Variants in FRS2 observed in about 807,000 individuals in gnomAD.
FRS2 encodes the protein FGFR signalling adaptor.
A neutral mutation model predicts 43.9 loss-of-function variants in FRS2; 8 were observed. The ratio of observed to expected loss-of-function variants is 0.18; its 90% CI spans 0.11 to 0.33. FRS2 has a LOEUF of 0.33. Ranked by LOEUF, FRS2 falls within the 10% of genes least tolerant of loss-of-function variation. The pLI is 1.00. For missense variants in FRS2, 534 were observed against 627.6 expected, an observed-to-expected ratio of 0.85 and a Z score of 1.59; for synonymous variants, 219 against 220.3, an observed-to-expected ratio of 0.99 and a Z score of 0.05.
chr12:69,542,102 A>C (rs1292034606), intron 3 of FRS2, among the ~76,000 whole-genome samples: 1 of 152,210 alleles, frequency 6.6e-6, no homozygotes, highest in East Asian at 1.9e-4. Context: ...TATTGCCTCT[A>C]CAACCAGATA....
intron 3 of FRS2, among the ~76,000 whole-genome samples, chr12:69,533,792 ATTAT>A (rs1317079905): frequency 6.6e-6 from 1 of 152,122 alleles, no homozygotes; most frequent in Non-Finnish European, 1.5e-5. Context: ...TCCCCGCCAA[ATTAT>A]TTGTTTGTAG....
At chr12:69,507,373 A>G (rs927249811) in intron 1 of FRS2, among the ~76,000 whole-genome samples, 1 of 152,182 alleles carries the variant, frequency 6.6e-6, no homozygotes, top group African/African-American at 2.4e-5. Context: ...TGCAATGTAA[A>G]TAATAAGACA....
At chr12:69,571,967 T>C in intron 7 of FRS2, 151 bp from the exon 8 acceptor site, 2 of 539,574 alleles carry the variant, frequency 3.7e-6, no homozygotes, top group Non-Finnish European at 6.5e-6. Context: ...TTAGGTAAAA[T>C]ATGGAGTTGG....
chr12:69,560,518 A>C (rs536397083), intron 3 of FRS2, among the ~76,000 whole-genome samples: 2 of 152,238 alleles, frequency 1.3e-5, no homozygotes, highest in Non-Finnish European at 2.9e-5. Flanking sequence ...CTTTGGTGTC[A>C]GATCAAAATT....
intron 1 of FRS2, among the ~76,000 whole-genome samples, chr12:69,514,448 C>T (rs751731872): frequency 3.4e-4 from 51 of 152,156 alleles, no homozygotes; most frequent in African/African-American, 1.1e-3. Flanking sequence ...CTCACTAATT[C>T]GCTACTCTGG....
intron 1 of FRS2, among the ~76,000 whole-genome samples, chr12:69,520,924 A>G (rs1482303727): frequency 6.6e-6 from 1 of 152,104 alleles, no homozygotes; most frequent in Non-Finnish European, 1.5e-5. Flanking sequence ...GTTGTTCCGT[A>G]TAAATTAAAA....
At chr12:69,487,013 A>G (rs1872016698) in intron 1 of FRS2, among the ~76,000 whole-genome samples, 1 of 152,246 alleles carries the variant, frequency 6.6e-6, no homozygotes, top group Admixed American at 6.5e-5. Flanking sequence ...CAAGTTACCT[A>G]GAAGAACTTC....
At chr12:69,527,342 G>GTTT (rs1294936661) in intron 1 of FRS2, among the ~76,000 whole-genome samples, 2 of 33,152 alleles carry the variant, frequency 6.0e-5, no homozygotes, top group East Asian at 2.6e-3. Context: ...TTTTTTTAAT[G>GTTT]ATTTTTTTTT....
intron 1 of FRS2, among the ~76,000 whole-genome samples, chr12:69,501,547 C>A (rs574125848): frequency 6.6e-6 from 1 of 152,174 alleles, no homozygotes; most frequent in East Asian, 1.9e-4. Context: ...TAACATATTT[C>A]TTTTGCATTA....
chr12:69,529,461 TAAAAATACA>T (rs1876576162), intron 1 of FRS2, among the ~76,000 whole-genome samples: 1 of 151,804 alleles, frequency 6.6e-6, no homozygotes, highest in Non-Finnish European at 1.5e-5. Flanking sequence ...TCGTCTCTAC[TAAAAATACA>T]AAAATTAGCC....
intron 1 of FRS2, among the ~76,000 whole-genome samples, chr12:69,489,539 G>T (rs909286049): frequency 2.0e-5 from 3 of 151,788 alleles, no homozygotes; most frequent in East Asian, 1.9e-4. Flanking sequence ...GTGTGGTGGC[G>T]CATGCCTGTA....
At position 69,578,771 on chromosome 12, in the gene FRS2, A is replaced by G. The variant is rs1881357769; in HGVS notation, c.*3816A>G. 6.5e-6 allele frequency: 1 copy of G among 152,680 alleles called. No homozygotes were observed. The highest frequency in any genetic ancestry group is 1.5e-5 in the Non-Finnish European group (1 of 68,044). 9.5% of individuals were successfully genotyped at this position (152,680 alleles called of 1,614,324 possible). On this transcript the variant is annotated 3_prime_UTR_variant, in exon 9 of 9. Transcript: ENST00000549921. ...TGTTTTTTTCCTACGTAAAGGCATA[A>G]ATATAGCAACTTTGTATAAAGGTAG...
chr12:69,542,219 G>A (rs1185681663), intron 3 of FRS2, among the ~76,000 whole-genome samples: 11 of 152,112 alleles, frequency 7.2e-5, no homozygotes, highest in African/African-American at 1.4e-4. Flanking sequence ...GAAAATGTGC[G>A]TGCTGTCAGA....
At chr12:69,546,290 C>G (rs1472267814) in intron 3 of FRS2, among the ~76,000 whole-genome samples, 1 of 152,054 alleles carries the variant, frequency 6.6e-6, no homozygotes, top group Non-Finnish European at 1.5e-5. Flanking sequence ...CAGAGTCTCG[C>G]TGTATTGCTC....
At chr12:69,569,195 C>T (rs1880545970) in intron 5 of FRS2, 99 bp downstream of exon 5, 1 of 638,838 alleles carries the variant, frequency 1.6e-6, no homozygotes, top group Non-Finnish European at 2.8e-6. Flanking sequence ...ATCACCAAAC[C>T]TTTCTATTTC....
chr12:69,508,747 T>C (rs1874188682), intron 1 of FRS2, among the ~76,000 whole-genome samples: 1 of 152,222 alleles, frequency 6.6e-6, no homozygotes, highest in South Asian at 2.1e-4. Context: ...CTGATATTTG[T>C]CTTCATTTTT....
At chr12:69,511,153 T>G (rs1592962101) in intron 1 of FRS2, among the ~76,000 whole-genome samples, 1 of 152,226 alleles carries the variant, frequency 6.6e-6, no homozygotes, top group African/African-American at 2.4e-5. Context: ...ATCAGTAAAT[T>G]TGATATTTGG....
At chr12:69,518,181 A>G (rs1350356583) in intron 1 of FRS2, among the ~76,000 whole-genome samples, 2 of 152,234 alleles carry the variant, frequency 1.3e-5, no homozygotes. Flanking sequence ...AGACCTCTTC[A>G]TGAAACATGA....
At chr12:69,474,017 A>G (rs1870540558) in intron 1 of FRS2, among the ~76,000 whole-genome samples, 1 of 152,036 alleles carries the variant, frequency 6.6e-6, no homozygotes, top group Non-Finnish European at 1.5e-5. Flanking sequence ...TAACTTTTGT[A>G]TTTTTAGTAG....
Sources: gnomAD v4.1 joint callset for allele counts (sites outside exome capture counted in the v4.1 genomes callset) on GRCh38, gnomAD v4.1.1 for gene constraint, MANE v1.5 for transcripts, NCBI Gene and HGNC (gene_info 2026-07-23, HGNC 2026-07-21) for gene names.